The following QTRT1 variants were observed in gnomAD, a reference collection of about 807,000 sequenced individuals.
QTRT1 encodes the protein queuine tRNA-ribosyltransferase catalytic subunit 1.
A neutral mutation model predicts 44.0 loss-of-function variants in QTRT1; 41 were observed. The observed-to-expected ratio is 0.93, with a 90% CI of 0.73 to 1.21. QTRT1 has a LOEUF of 1.21. Among genes scored for constraint, QTRT1 ranks in the 50% most tolerant of loss-of-function variants. The pLI is 0.00. For synonymous variants in QTRT1, 226 were observed against 237.1 expected (o/e 0.95, Z 0.43); for missense variants, 542 against 575.8 (o/e 0.94, Z 0.60).
chr19:10,701,850 G>T (rs1455514865), intron 1 of QTRT1, 100 bp from the exon 2 acceptor site: 3 of 1,579,314 alleles, frequency 1.9e-6, no homozygotes, highest in Non-Finnish European at 2.6e-6. Flanking sequence ...TACTGGGCGT[G>T]AAAGAGCAGC....
rs34948949 is a variant in QTRT1, at chr19:10,702,759, CTTTTTTTTTTTTT to C, written c.451+520_451+532del. Among the ~76,000 whole-genome samples, 7 of 68,542 alleles carry C rather than the reference CTTTTTTTTTTTTT, an allele frequency of 1.0e-4. 1 individual carries two copies. Among genetic ancestry groups the C allele is most frequent in the South Asian group, 8.3e-4 (1 of 1,212 alleles). The allele number at this position is 68,542 out of a possible 152,430, so 45.0% of individuals were successfully genotyped here. ...CTTCTCCCATATCCTCAATATCCTT[CTTTTTTTTTTTTT>C]TTTTTTTTTTTTTTGAGACAGAATT... On this transcript the variant is annotated intron_variant, in intron 3 of 9. Coordinates refer to ENST00000250237, the MANE Select transcript of QTRT1 (RefSeq NM_031209.3).
chr19:10,709,991 A>G (rs988564919), intron 5 of QTRT1, among the ~76,000 whole-genome samples: 1 of 152,152 alleles, frequency 6.6e-6, no homozygotes, highest in Non-Finnish European at 1.5e-5. Context: ...AGCCTGGGCG[A>G]CAGAGCAAGA....
chr19:10,702,077 C>T, intron 2 of QTRT1, 39 bp from the exon 3 acceptor site: 4 of 1,614,156 alleles, frequency 2.5e-6, no homozygotes, highest in Non-Finnish European at 3.4e-6. Flanking sequence ...GGGTCCCCAT[C>T]TCCACCCCCT....
chr19:10,710,053 T>C (rs1293937235), intron 5 of QTRT1, among the ~76,000 whole-genome samples: 1 of 150,340 alleles, frequency 6.7e-6, no homozygotes, highest in East Asian at 2.0e-4. Context: ...AGCATGGGAG[T>C]GTGTGCCTGT....
chr19:10,705,980 G>A (rs940215467), intron 3 of QTRT1, among the ~76,000 whole-genome samples: 5 of 144,758 alleles, frequency 3.5e-5, no homozygotes, highest in African/African-American at 7.7e-5. Flanking sequence ...CTCAGTTCCC[G>A]AGTAGCTGGG....
rs1279237800 is a variant in QTRT1, at chr19:10,701,641, C to T, written c.181C>T (p.Gln61Ter). The change falls in exon 1 of 10, where the codon CAG becomes TAG. Residue 61 changes from glutamine to a stop codon, truncating the protein, a stop_gained. Transcript: ENST00000250237. LOFTEE classifies it high-confidence loss of function. ...QATMKGITTE[Q>*]LDALGCRICL... ...CACCATGAAGGGCATCACGACCGAA[C>T]AGCTGGACGCTCTGGGTTGCCGCAT... 2 of 1,600,298 alleles carry T rather than the reference C, an allele frequency of 1.2e-6. No homozygotes were observed. Among genetic ancestry groups the T allele is most frequent in the South Asian group, 2.2e-5 (2 of 89,416 alleles).
intron 3 of QTRT1, among the ~76,000 whole-genome samples, 187 bp from the exon 4 acceptor site, chr19:10,707,115 T>A (rs1353603593): frequency 2.0e-5 from 3 of 152,182 alleles, no homozygotes; most frequent in Admixed American, 6.6e-5. Context: ...AGAGGCAGGA[T>A]CAAAGGCACA....
chr19:10,703,771 G>C (rs1439017484), intron 3 of QTRT1, among the ~76,000 whole-genome samples: 1 of 151,942 alleles, frequency 6.6e-6, no homozygotes, highest in East Asian at 1.9e-4. Context: ...TGCCCATCTT[G>C]GTCCCCCAAA....
intron 5 of QTRT1, among the ~76,000 whole-genome samples, chr19:10,707,915 C>T (rs1363069196): frequency 6.6e-6 from 1 of 151,576 alleles, no homozygotes; most frequent in Admixed American, 6.6e-5. Context: ...TCATGAGCCA[C>T]CGCGCCCAGC....
intron 3 of QTRT1, 49 bp downstream of exon 3, chr19:10,702,303 G>T: frequency 4.4e-6 from 7 of 1,591,740 alleles, no homozygotes; most frequent in Non-Finnish European, 6.0e-6. Context: ...GTCAGGGGGT[G>T]AAGTTTACAC....
intron 1 of QTRT1, 25 bp from the exon 2 acceptor site, chr19:10,701,925 C>T: frequency 1.2e-6 from 2 of 1,613,756 alleles, no homozygotes; most frequent in South Asian, 1.1e-5. Flanking sequence ...CACCCCTAAC[C>T]TGACACTTTC....
chr19:10,702,668 AC>A (rs2068695506), intron 3 of QTRT1, among the ~76,000 whole-genome samples: 3 of 152,056 alleles, frequency 2.0e-5, no homozygotes, highest in South Asian at 4.1e-4. Flanking sequence ...AATAAAAAAA[AC>A]AAATTAATTG....
In QTRT1 at chr19:10,702,102, G is replaced by C; in HGVS notation, c.313-14G>C. 6.2e-7 allele frequency: 1 copy of C among 1,614,120 alleles called. No homozygotes were observed. The highest frequency in any genetic ancestry group is 8.5e-7 in the Non-Finnish European group (1 of 1,180,020). On this transcript the variant is annotated splice_polypyrimidine_tract_variant and intron_variant, in intron 2 of 9. Coordinates refer to ENST00000250237, the MANE Select transcript of QTRT1 (RefSeq NM_031209.3). ...CTCCACCCCCTGACAGCTTTGCGGT[G>C]GGGTTTCCCTTAGGACAGCGGCGGT...
intron 3 of QTRT1, among the ~76,000 whole-genome samples, chr19:10,706,493 C>G (rs2068714215): frequency 6.6e-6 from 1 of 151,932 alleles, no homozygotes; most frequent in African/African-American, 2.4e-5. Context: ...CTGCCTCAGC[C>G]TCTTGAGTAG....
At chr19:10,705,205 G>A (rs909306165) in intron 3 of QTRT1, among the ~76,000 whole-genome samples, 7 of 147,996 alleles carry the variant, frequency 4.7e-5, no homozygotes, top group South Asian at 2.2e-4. Flanking sequence ...GTGAGCCACC[G>A]CACCCAGCCC....
chr19:10,701,595 C>T lies in QTRT1; in HGVS notation c.135C>T (p.Phe45=). The part of the protein sequence containing the change: ...LPHGTVATPV[F]MPVGTQATMK... ...ATGGGACAGTGGCCACTCCTGTGTTCATGCCAGTGGGCACGCAGGCCACCA... is the reference window on the plus strand; with the variant it reads ...ATGGGACAGTGGCCACTCCTGTGTTTATGCCAGTGGGCACGCAGGCCACCA... Residue 45 remains phenylalanine, a synonymous_variant, in exon 1 of 10, where the codon TTC becomes TTT. Coordinates refer to ENST00000250237, the MANE Select transcript of QTRT1 (RefSeq NM_031209.3). The T allele has an allele frequency of 1.2e-6, 2 of 1,608,550 alleles. No individual in the cohort carries two copies. The highest frequency in any genetic ancestry group is 1.7e-6 in the Non-Finnish European group (2 of 1,178,596).
Position 10,701,603 on chromosome 19 carries a change from T to G in QTRT1, c.143T>G (p.Val48Gly). The G allele has an allele frequency of 6.2e-7, 1 of 1,607,912 alleles. No individual in the cohort carries two copies. The highest frequency in any genetic ancestry group is 8.5e-7 in the Non-Finnish European group (1 of 1,178,376). ...GTVATPVFMP[V>G]GTQATMKGIT... ...GTGGCCACTCCTGTGTTCATGCCAG[T>G]GGGCACGCAGGCCACCATGAAGGGC... Residue 48 changes from valine to glycine, a missense_variant, in exon 1 of 10, where the codon GTG (valine) becomes GGG (glycine). Coordinates refer to ENST00000250237, the MANE Select transcript of QTRT1 (RefSeq NM_031209.3).
At chr19:10,704,815 G>C (rs990022696) in intron 3 of QTRT1, among the ~76,000 whole-genome samples, 17 of 151,654 alleles carry the variant, frequency 1.1e-4, no homozygotes, top group African/African-American at 1.5e-4. Context: ...TTGAACTCCC[G>C]ACCTCAGGTG....
Position 10,713,304 on chromosome 19 carries a change from G to C in QTRT1, c.*34G>C, listed in dbSNP as rs2057805650. 1 of 1,577,774 alleles carries C rather than the reference G, an allele frequency of 6.3e-7. No individual in the cohort carries two copies. Among genetic ancestry groups the C allele is most frequent in the Non-Finnish European group, 8.6e-7 (1 of 1,163,940 alleles). On this transcript the variant is annotated 3_prime_UTR_variant, in exon 10 of 10. Transcript: ENST00000250237. The surrounding 1 kb of genome is among the most constrained non-coding windows in gnomAD (Gnocchi z 4.3). ...TGGGAGAGGGAGGGAGGAAGGAAGGGAGGGAGGGGCTGGAAGATACTGAAG... is the reference window on the plus strand; with the variant it reads ...TGGGAGAGGGAGGGAGGAAGGAAGGCAGGGAGGGGCTGGAAGATACTGAAG...
Sources: allele counts gnomAD v4.1 joint callset (sites outside exome capture counted in the v4.1 genomes callset), GRCh38; gene constraint gnomAD v4.1.1; non-coding constraint Gnocchi (gnomAD v3.1); transcripts MANE v1.5; gene names NCBI Gene and HGNC (gene_info 2026-07-23, HGNC 2026-07-21).